Variants in DNAJC11 observed in about 807,000 individuals in gnomAD.
The protein encoded by DNAJC11 is dnaJ homolog subfamily C member 11.
A neutral mutation model predicts 78.6 loss-of-function variants in DNAJC11; 15 were observed. The ratio of observed to expected loss-of-function variants is 0.19; its 90% CI spans 0.13 to 0.29. The LOEUF (loss-of-function observed/expected upper bound fraction) is 0.29, where lower values mean the gene tolerates loss of function less well. Ranked by LOEUF, DNAJC11 falls within the 10% of genes least tolerant of loss-of-function variation. The pLI is 1.00. For synonymous variants in DNAJC11, 292 were observed against 272.1 expected, an observed-to-expected ratio of 1.07 and a Z score of -0.72; for missense variants, 547 against 709.6, an observed-to-expected ratio of 0.77 and a Z score of 2.60.
intron 3 of DNAJC11, among the ~76,000 whole-genome samples, chr1:6,671,631 A>G (rs1642381622): frequency 1.3e-5 from 2 of 149,742 alleles, no homozygotes; most frequent in South Asian, 4.2e-4. Context: ...TCATGGGTTC[A>G]TGCCATTCTT....
At chr1:6,684,467 C>T (rs905688260) in intron 1 of DNAJC11, among the ~76,000 whole-genome samples, 3 of 152,192 alleles carry the variant, frequency 2.0e-5, no homozygotes, top group African/African-American at 7.2e-5. Context: ...GATTGACTGA[C>T]TCTCAGTTAG....
intron 3 of DNAJC11, among the ~76,000 whole-genome samples, chr1:6,674,952 C>T (rs1466381353): frequency 6.6e-6 from 1 of 152,088 alleles, no homozygotes; most frequent in Non-Finnish European, 1.5e-5. Context: ...AAATGGATAC[C>T]CTTCAGCAAC....
intron 4 of DNAJC11, 109 bp downstream of exon 4, chr1:6,667,600 T>C: frequency 1.1e-6 from 1 of 889,236 alleles, no homozygotes; most frequent in Non-Finnish European, 1.8e-6. Flanking sequence ...CCCACCAGCT[T>C]GTATGTTTTT....
chr1:6,681,098 G>C (rs1642544516), intron 1 of DNAJC11, 61 bp from the exon 2 acceptor site: 1 of 1,531,830 alleles, frequency 6.5e-7, no homozygotes, highest in Non-Finnish European at 8.9e-7. Context: ...ATCATCATCA[G>C]AATCAGCCTT....
rs535720100 is a variant in DNAJC11, at chr1:6,635,387, C to G, written c.*288G>C. Reference sequence around the variant, plus strand: ...CTGCGGTCAGCACGTGTGCTCGGGACACAGCGGAGTCAGGGCCAGAGCCCT... The same window carrying G: ...CTGCGGTCAGCACGTGTGCTCGGGAGACAGCGGAGTCAGGGCCAGAGCCCT... On this transcript the variant is annotated 3_prime_UTR_variant, in exon 16 of 16. Coordinates refer to ENST00000377577, the MANE Select transcript of DNAJC11 (RefSeq NM_018198.4). 5.1e-6 allele frequency: 2 copies of G among 389,544 alleles called. No individual in the cohort carries two copies. The highest frequency in any genetic ancestry group is 9.6e-5 in the East Asian group (2 of 20,938). 24.1% of individuals were successfully genotyped at this position (389,544 alleles called of 1,614,324 possible).
intron 1 of DNAJC11, among the ~76,000 whole-genome samples, chr1:6,701,091 T>G (rs755524175): frequency 9.2e-5 from 14 of 152,180 alleles, no homozygotes; most frequent in Admixed American, 1.3e-4. Context: ...TTTTCTGGCC[T>G]AGGGCTTCTT....
At chr1:6,673,881 G>A (rs575176724) in intron 3 of DNAJC11, among the ~76,000 whole-genome samples, 27 of 152,262 alleles carry the variant, frequency 1.8e-4, no homozygotes, top group Non-Finnish European at 3.4e-4. Flanking sequence ...CTATAAAACC[G>A]ATGTCAGAGA....
intron 10 of DNAJC11, among the ~76,000 whole-genome samples, chr1:6,643,412 A>T (rs1014413700): frequency 6.6e-6 from 1 of 151,692 alleles, no homozygotes. Context: ...AGTAGCAGAG[A>T]CTACAGGCGC....
intron 3 of DNAJC11, among the ~76,000 whole-genome samples, chr1:6,672,889 A>G (rs572729873): frequency 3.0e-4 from 45 of 152,316 alleles, no homozygotes; most frequent in African/African-American, 1.0e-3. Context: ...ATGAATCCAT[A>G]CAACTGCTGT....
intron 7 of DNAJC11, among the ~76,000 whole-genome samples, chr1:6,648,331 T>C (rs943291386): frequency 2.0e-5 from 3 of 152,294 alleles, no homozygotes; most frequent in Admixed American, 6.5e-5. Flanking sequence ...AATTTTTGTA[T>C]TTTTAGTAGA....
In DNAJC11 at chr1:6,634,784, C is replaced by A. The variant is rs748264761; in HGVS notation, c.*891G>T. The A allele has an allele frequency of 2.3e-6, 3 of 1,315,586 alleles. No homozygotes were observed. The highest frequency in any genetic ancestry group is 3.0e-6 in the Non-Finnish European group (3 of 994,762). The allele number at this position is 1,315,586 out of a possible 1,614,324, so 81.5% of individuals were successfully genotyped here. ...GCAGGAGCGGGGAGCTGCAGTGCCA[C>A]CTGCTGGGTACCACGGGCCGGGCCT... is the stretch of plus-strand genomic sequence containing the variant. On this transcript the variant is annotated 3_prime_UTR_variant, in exon 16 of 16. Coordinates refer to ENST00000377577, the MANE Select transcript of DNAJC11 (RefSeq NM_018198.4).
At chr1:6,690,634 C>T (rs1265169820) in intron 1 of DNAJC11, among the ~76,000 whole-genome samples, 3 of 152,168 alleles carry the variant, frequency 2.0e-5, no homozygotes, top group Non-Finnish European at 4.4e-5. Context: ...CACTTAAAAC[C>T]CCTGAATTGC....
chr1:6,695,252 T>C (rs572650760), intron 1 of DNAJC11, among the ~76,000 whole-genome samples: 37 of 152,070 alleles, frequency 2.4e-4, no homozygotes, highest in African/African-American at 7.7e-4. Context: ...CCTCCTGCCT[T>C]AGCCTCCTAA....
At position 6,680,676 on chromosome 1, in the gene DNAJC11, G is replaced by A. The variant is rs546557266; in HGVS notation, c.202+232C>T. Reference sequence around the variant, plus strand: ...AACTTGAGTATTCCCTTGCAATTGAGACTCTGTCTATTACCTCGCCCGGTC... The same window carrying A: ...AACTTGAGTATTCCCTTGCAATTGAAACTCTGTCTATTACCTCGCCCGGTC... On this transcript the variant is annotated intron_variant, in intron 2 of 15. Transcript: ENST00000377577. This position sits in a 1 kb window ranked among gnomAD's most constrained non-coding sequence, Gnocchi z 4.0. Among the ~76,000 whole-genome samples the A allele has an allele frequency of 7.2e-5, 11 of 152,264 alleles. No individual in the cohort carries two copies. The highest frequency in any genetic ancestry group is 2.4e-4 in the African/African-American group (10 of 41,538).
rs70984004 is a variant in DNAJC11 at position 6,695,627 on chromosome 1, TAAAAAAAAAAA to T, written c.72+6091_72+6101del. Among the ~76,000 whole-genome samples the T allele has an allele frequency of 3.6e-3, 299 of 83,008 alleles. 6 individuals carry two copies. Among genetic ancestry groups the T allele is most frequent in the Middle Eastern group, 0.029 (4 of 136 alleles). The allele number at this position is 83,008 out of a possible 152,430, so 54.5% of individuals were successfully genotyped here. A position where few individuals can be genotyped will look rare whatever the true frequency, so the allele number is the denominator to read the frequency against. On this transcript the variant is annotated intron_variant, in intron 1 of 15. Coordinates refer to ENST00000377577, the MANE Select transcript of DNAJC11 (RefSeq NM_018198.4). ...CAACATAGTGAAACCCTATCTCTAC[TAAAAAAAAAAA>T]AAAAAAAAAAAAAAAAAAAATTAGC...
At chr1:6,672,881 G>T (rs1642401990) in intron 3 of DNAJC11, among the ~76,000 whole-genome samples, 1 of 152,238 alleles carries the variant, frequency 6.6e-6, no homozygotes, top group South Asian at 2.1e-4. Flanking sequence ...TGCAGCTCAT[G>T]AATCCATACA....
chr1:6,643,253 A>C (rs1301133859), intron 10 of DNAJC11, among the ~76,000 whole-genome samples: 1 of 151,286 alleles, frequency 6.6e-6, no homozygotes. Context: ...GAAAGAAAGA[A>C]GACGGATGCA....
At chr1:6,685,932 T>C (rs1014475437) in intron 1 of DNAJC11, among the ~76,000 whole-genome samples, 2 of 152,220 alleles carry the variant, frequency 1.3e-5, no homozygotes, top group African/African-American at 4.8e-5. Context: ...ACAAGAGTTT[T>C]GAGATTAACT....
At chr1:6,667,942 G>A (rs931261899) in intron 3 of DNAJC11, 132 bp from the exon 4 acceptor site, 17 of 802,638 alleles carry the variant, frequency 2.1e-5, no homozygotes, top group Non-Finnish European at 3.3e-5. Flanking sequence ...TCCTCAGGAA[G>A]GACCCCAAAC....
Sources: allele counts gnomAD v4.1 joint callset (sites outside exome capture counted in the v4.1 genomes callset), GRCh38; gene constraint gnomAD v4.1.1; non-coding constraint Gnocchi (gnomAD v3.1); transcripts MANE v1.5; gene names NCBI Gene and HGNC (gene_info 2026-07-23, HGNC 2026-07-21).